The following TMEM117 variants were observed in gnomAD, a reference collection of about 807,000 sequenced individuals.
The protein encoded by TMEM117 is transmembrane protein 117.
In TMEM117, 27 loss-of-function variants were observed where a neutral mutation model predicts 52.4. The observed-to-expected ratio is 0.51, with a 90% CI of 0.38 to 0.71. The LOEUF (loss-of-function observed/expected upper bound fraction) is 0.71. Among genes scored for constraint, TMEM117 ranks in the 30% least tolerant of loss-of-function variants. TMEM117 has a pLI of 0.00. For synonymous variants in TMEM117, 215 were observed against 206.3 expected (o/e 1.04, Z -0.36); for missense variants, 556 against 630.5 (o/e 0.88, Z 1.26).
chr12:44,308,733 C>G (rs1485022652), intron 6 of TMEM117, among the ~76,000 whole-genome samples: 1 of 151,980 alleles, frequency 6.6e-6, no homozygotes, highest in Non-Finnish European at 1.5e-5. Flanking sequence ...CATTCTCCTG[C>G]TTCAGGCTTC....
intron 7 of TMEM117, among the ~76,000 whole-genome samples, chr12:44,378,343 T>C (rs562979498): frequency 6.6e-6 from 1 of 152,304 alleles, no homozygotes; most frequent in Admixed American, 6.5e-5. Flanking sequence ...TACATTGTCA[T>C]TTATAGATGG....
intron 3 of TMEM117, among the ~76,000 whole-genome samples, chr12:43,997,530 CT>C (rs1278350832): frequency 3.3e-5 from 5 of 152,118 alleles, no homozygotes; most frequent in Admixed American, 3.3e-4. Context: ...TGGTTTCTTT[CT>C]GCTTCTTCCT....
At chr12:44,089,773 C>A (rs941002229) in intron 3 of TMEM117, among the ~76,000 whole-genome samples, 6 of 152,116 alleles carry the variant, frequency 3.9e-5, no homozygotes, top group South Asian at 2.1e-4. Flanking sequence ...CAAACTTTTT[C>A]TTAAAGACAG....
the TMEM117 span, among the ~76,000 whole-genome samples, chr12:43,811,932 T>C: frequency 1.3e-5 from 2 of 152,214 alleles, no homozygotes; most frequent in African/African-American, 2.4e-5. Flanking sequence ...AGCATGTATT[T>C]CTTTATTCTT....
chr12:44,291,381 T>TGTTTGTTTGTTTG (rs568987114), intron 5 of TMEM117, among the ~76,000 whole-genome samples: 3,956 of 147,432 alleles, frequency 0.027, 107 homozygotes, highest in African/African-American at 0.054. Context: ...ACAGTTTTTT[T>TGTTTGTTTGTTTG]TTTTTTTTTT....
chr12:44,217,159 A>T (rs1448633016), intron 5 of TMEM117, among the ~76,000 whole-genome samples: 1 of 152,202 alleles, frequency 6.6e-6, no homozygotes, highest in Non-Finnish European at 1.5e-5. Flanking sequence ...CCTAAGAATC[A>T]GGGGAAATGT....
intron 3 of TMEM117, among the ~76,000 whole-genome samples, chr12:43,989,173 A>G (rs1470491810): frequency 6.6e-6 from 1 of 152,150 alleles, no homozygotes; most frequent in Non-Finnish European, 1.5e-5. Flanking sequence ...ATTGGTCCTG[A>G]TGAAATATTT....
chr12:44,080,698 CAAAA>C (rs1235425056), intron 3 of TMEM117, among the ~76,000 whole-genome samples: 1 of 151,896 alleles, frequency 6.6e-6, no homozygotes, highest in African/African-American at 2.4e-5. Flanking sequence ...TGAAAAAAAT[CAAAA>C]GAAGAAGAAT....
rs141488191 is a variant in TMEM117 at position 44,365,628 on chromosome 12, G to A, written c.769-10967G>A. Among the ~76,000 whole-genome samples, 287 of 152,048 alleles carry A rather than the reference G, an allele frequency of 1.9e-3. 1 individual carries two copies. Among genetic ancestry groups the A allele is most frequent in the African/African-American group, 6.2e-3 (259 of 41,488 alleles). On this transcript the variant is annotated intron_variant, in intron 6 of 7. Coordinates refer to ENST00000266534, the MANE Select transcript of TMEM117 (RefSeq NM_032256.3). ...AATCCTACCTACCATATATATTTGC[G>A]TGTGGTTTACAATAGACTAAATATA...
At chr12:44,042,803 CACACA>C (rs752275906) in intron 3 of TMEM117, among the ~76,000 whole-genome samples, 5,547 of 140,750 alleles carry the variant, frequency 0.039, 138 homozygotes, top group South Asian at 0.072. Flanking sequence ...CACACACACA[CACACA>C]CTTATTAGTT....
chr12:43,902,888 A>C (rs959841650), intron 2 of TMEM117, among the ~76,000 whole-genome samples: 1 of 152,096 alleles, frequency 6.6e-6, no homozygotes, highest in Non-Finnish European at 1.5e-5. Flanking sequence ...ACAAAAGCAC[A>C]ACAGTACCTA....
intron 3 of TMEM117, among the ~76,000 whole-genome samples, chr12:44,128,306 C>G (rs936256830): frequency 6.6e-6 from 1 of 152,244 alleles, no homozygotes; most frequent in African/African-American, 2.4e-5. Flanking sequence ...CTTCTCTTCT[C>G]TCTGCCCCCT....
chr12:44,236,149 T>G (rs776307101), intron 5 of TMEM117, among the ~76,000 whole-genome samples: 1 of 150,956 alleles, frequency 6.6e-6, no homozygotes, highest in African/African-American at 2.5e-5. Flanking sequence ...TTCCTCAGTT[T>G]TAGAAATGTT....
chr12:43,920,925 T>A (rs1022902158), intron 2 of TMEM117, among the ~76,000 whole-genome samples: 1 of 152,134 alleles, frequency 6.6e-6, no homozygotes, highest in African/African-American at 2.4e-5. Context: ...TATCTTACAC[T>A]TCAGTCACAC....
At chr12:43,886,699 G>A (rs1304361820) in intron 2 of TMEM117, among the ~76,000 whole-genome samples, 1 of 152,086 alleles carries the variant, frequency 6.6e-6, no homozygotes, top group Non-Finnish European at 1.5e-5. Context: ...TGTGTGTCAA[G>A]GGGGTTTATT....
At chr12:43,881,125 C>G (rs1943888869) in intron 2 of TMEM117, among the ~76,000 whole-genome samples, 1 of 152,150 alleles carries the variant, frequency 6.6e-6, no homozygotes, top group Non-Finnish European at 1.5e-5. Context: ...TGGGAACTTG[C>G]AATTTTTGGT....
At chr12:43,960,996 A>C (rs1478966115) in intron 3 of TMEM117, among the ~76,000 whole-genome samples, 1 of 152,122 alleles carries the variant, frequency 6.6e-6, no homozygotes, top group Non-Finnish European at 1.5e-5. Flanking sequence ...AGTGTGATAT[A>C]ATAGAAACAG....
intron 2 of TMEM117, among the ~76,000 whole-genome samples, chr12:43,919,495 T>G (rs1944658011): frequency 6.6e-6 from 1 of 152,206 alleles, no homozygotes; most frequent in Non-Finnish European, 1.5e-5. Flanking sequence ...GAATACTATA[T>G]CATTGTGTGT....
At chr12:44,068,866 A>G (rs971166391) in intron 3 of TMEM117, among the ~76,000 whole-genome samples, 6 of 152,198 alleles carry the variant, frequency 3.9e-5, no homozygotes, top group African/African-American at 9.6e-5. Flanking sequence ...GTGTAGCACA[A>G]TGAAGTAAAG....
Sources: gnomAD v4.1 joint callset for allele counts (sites outside exome capture counted in the v4.1 genomes callset) on GRCh38, gnomAD v4.1.1 for gene constraint, MANE v1.5 for transcripts, NCBI Gene and HGNC (gene_info 2026-07-23, HGNC 2026-07-21) for gene names.